MYLK4: variants seen among roughly 807,000 people sequenced by gnomAD.
MYLK4 encodes myosin light chain kinase family member 4, also known as caMLCK like.
A neutral mutation model predicts 48.1 loss-of-function variants in MYLK4; 46 were observed. That is an observed-to-expected ratio of 0.96 (90% CI 0.75 to 1.22). MYLK4 has a LOEUF of 1.22. Ranked by LOEUF, MYLK4 falls within the 50% of genes most tolerant of loss-of-function variation. MYLK4 has a pLI of 0.00. For synonymous variants in MYLK4, 170 were observed against 180.8 expected, an observed-to-expected ratio of 0.94 and a Z score of 0.48; for missense variants, 451 against 486.1, an observed-to-expected ratio of 0.93 and a Z score of 0.68.
intron 2 of MYLK4, among the ~76,000 whole-genome samples, chr6:2,723,291 T>C (rs1255584927): frequency 4.6e-5 from 7 of 152,190 alleles, no homozygotes; most frequent in Non-Finnish European, 8.8e-5. Context: ...AGACCCTGTC[T>C]CAAAAATAAA....
At chr6:2,715,196 G>A (rs141841245) in intron 2 of MYLK4, among the ~76,000 whole-genome samples, 131 of 150,862 alleles carry the variant, frequency 8.7e-4, no homozygotes, top group African/African-American at 3.1e-3. Flanking sequence ...GGAGGCGGAG[G>A]TTGCGGTAAG....
chr6:2,740,826 T>C (rs767400768), intron 2 of MYLK4, among the ~76,000 whole-genome samples: 1 of 152,330 alleles, frequency 6.6e-6, no homozygotes, highest in South Asian at 2.1e-4. Context: ...AAGTGGACTT[T>C]GTTGTTGTCA....
intron 2 of MYLK4, among the ~76,000 whole-genome samples, chr6:2,699,361 G>A (rs1411046360): frequency 8.1e-6 from 1 of 123,430 alleles, no homozygotes; most frequent in Non-Finnish European, 1.6e-5. Context: ...GCGCAATCTC[G>A]GTTCCCTGCA....
intron 3 of MYLK4, 39 bp from the exon 4 acceptor site, chr6:2,688,995 A>G (rs780029587): frequency 6.4e-7 from 1 of 1,558,716 alleles, no homozygotes; most frequent in South Asian, 1.1e-5. Flanking sequence ...TCTGTCAAGA[A>G]GTCTGACCTC....
At chr6:2,716,101 T>A (rs1762855156) in intron 2 of MYLK4, among the ~76,000 whole-genome samples, 1 of 152,242 alleles carries the variant, frequency 6.6e-6, no homozygotes, top group Admixed American at 6.5e-5. Flanking sequence ...TTAATGAGTC[T>A]GAACATTGTG....
At chr6:2,715,425 A>AT (rs375084389) in intron 2 of MYLK4, among the ~76,000 whole-genome samples, 56 of 152,222 alleles carry the variant, frequency 3.7e-4, no homozygotes, top group African/African-American at 1.3e-3. Context: ...TTTTACTACA[A>AT]TTTTTTTAAG....
intron 12 of MYLK4, among the ~76,000 whole-genome samples, chr6:2,670,391 A>ACAAG (rs1169241681): frequency 2.9e-5 from 4 of 139,296 alleles, no homozygotes; most frequent in Non-Finnish European, 6.3e-5. Flanking sequence ...AAACAAACAA[A>ACAAG]CAACAGTGAG....
At chr6:2,744,139 AGGAGTG>A (rs67274452) in intron 2 of MYLK4, 314,831 of 396,986 alleles carry the variant, frequency 0.79, 125,556 homozygotes, top group Admixed American at 0.84. Context: ...CTCTGCCCTG[AGGAGTG>A]GGTGTCACCG....
In MYLK4 at chr6:2,701,777, G is replaced by T. The variant is rs1328180533; in HGVS notation, c.160-8918C>A. 3.3e-5 allele frequency among the ~76,000 whole-genome samples: 5 copies of T among 152,180 alleles called. No individual in the cohort carries two copies. In the East Asian group the frequency reaches 9.6e-4, roughly 29 times the overall value. ...AGCAATGCAGAACCTCAGAACCTCA[G>T]CCTCTCCCCACCACCCACCCAATCA... On this transcript the variant is annotated intron_variant, in intron 2 of 12. Transcript: ENST00000274643.
intron 3 of MYLK4, 113 bp downstream of exon 3, chr6:2,692,671 T>G: frequency 2.5e-6 from 1 of 395,126 alleles, no homozygotes; most frequent in Non-Finnish European, 4.0e-6. Context: ...TTTATAAACA[T>G]CACTTCTTCC....
intron 11 of MYLK4, among the ~76,000 whole-genome samples, chr6:2,674,601 C>T (rs548054346): frequency 3.3e-5 from 5 of 152,282 alleles, no homozygotes; most frequent in Admixed American, 6.5e-5. Context: ...AGGCCGGGTG[C>T]AGTGGCTCAG....
At chr6:2,717,096 TG>T (rs1762891722) in intron 2 of MYLK4, among the ~76,000 whole-genome samples, 3 of 152,194 alleles carry the variant, frequency 2.0e-5, no homozygotes, top group Non-Finnish European at 2.9e-5. Context: ...CAGGTTGGTA[TG>T]ACTGCCTGGT....
intron 2 of MYLK4, among the ~76,000 whole-genome samples, chr6:2,711,060 A>G (rs955026589): frequency 1.3e-5 from 2 of 152,206 alleles, no homozygotes; most frequent in African/African-American, 4.8e-5. Context: ...CTGCTGGCTT[A>G]CGCATAACCA....
At chr6:2,691,738 C>G (rs1761810023) in intron 3 of MYLK4, among the ~76,000 whole-genome samples, 1 of 152,204 alleles carries the variant, frequency 6.6e-6, no homozygotes, top group South Asian at 2.1e-4. Context: ...TATTAATCAT[C>G]ATCTTTGTCT....
At chr6:2,743,199 C>T (rs1366994026) in intron 2 of MYLK4, among the ~76,000 whole-genome samples, 1 of 152,124 alleles carries the variant, frequency 6.6e-6, no homozygotes, top group African/African-American at 2.4e-5. Context: ...CATAAACCCA[C>T]CTTCAGACAG....
chr6:2,732,995 G>A (rs929790999), intron 2 of MYLK4, among the ~76,000 whole-genome samples: 1 of 152,194 alleles, frequency 6.6e-6, no homozygotes, highest in African/African-American at 2.4e-5. Context: ...GTCGATTCAA[G>A]GAAGGTTGAC....
At chr6:2,680,706 T>C (rs907185135) in intron 7 of MYLK4, among the ~76,000 whole-genome samples, 5 of 152,212 alleles carry the variant, frequency 3.3e-5, no homozygotes, top group African/African-American at 1.2e-4. Context: ...TCCAAGGGAA[T>C]TGACCTGCTC....
the MYLK4 span, chr6:2,765,922 C>T: frequency 8.3e-6 from 12 of 1,452,158 alleles, no homozygotes; most frequent in Admixed American, 2.4e-5. Context: ...AGGAGGGCGA[C>T]GACGGCGGCG....
chr6:2,677,288 T>C (rs1761116922), intron 10 of MYLK4, among the ~76,000 whole-genome samples: 1 of 152,166 alleles, frequency 6.6e-6, no homozygotes, highest in Non-Finnish European at 1.5e-5. Context: ...AACACTTGAA[T>C]GAAAGCATCT....
Sources: gnomAD v4.1 joint callset for allele counts (sites outside exome capture counted in the v4.1 genomes callset) on GRCh38, gnomAD v4.1.1 for gene constraint, MANE v1.5 for transcripts, NCBI Gene and HGNC (gene_info 2026-07-23, HGNC 2026-07-21) for gene names.